Variants in MEIS2 observed in about 807,000 individuals in gnomAD.
The protein encoded by MEIS2 is Meis homeobox 2, also known as homeobox protein Meis2.
MEIS2 carries 9 observed loss-of-function variants against 58.6 expected under a neutral mutation model. The ratio of observed to expected loss-of-function variants is 0.15; its 90% confidence interval spans 0.09 to 0.27. MEIS2 has a LOEUF of 0.27. MEIS2 is among the 10% of genes least tolerant of loss of function. The pLI is 1.00. For missense variants in MEIS2, 427 were observed against 635.0 expected (o/e 0.67, Z 3.52); for synonymous variants, 221 against 228.4 (o/e 0.97, Z 0.29).
chr15:37,036,078 A>T (rs559286085), intron 8 of MEIS2, among the ~76,000 whole-genome samples: 2 of 152,338 alleles, frequency 1.3e-5, no homozygotes, highest in African/African-American at 2.4e-5. Context: ...TTTTTTTGTC[A>T]TAAGAGTCTT....
chr15:37,099,230 A>G, intron 1 of MEIS2: 1 of 1,432,810 alleles, frequency 7.0e-7, no homozygotes, highest in East Asian at 2.5e-5. Flanking sequence ...CAGCGCTGGA[A>G]CACGCGCGCC....
chr15:36,952,664 C>T (rs992001053), intron 8 of MEIS2, among the ~76,000 whole-genome samples: 16 of 136,762 alleles, frequency 1.2e-4, no homozygotes, highest in African/African-American at 2.1e-4. Flanking sequence ...TGTGTTTAAG[C>T]GAGAGAGAGA....
chr15:37,092,354 G>C (rs749474119), intron 6 of MEIS2, among the ~76,000 whole-genome samples: 1 of 152,124 alleles, frequency 6.6e-6, no homozygotes, highest in Non-Finnish European at 1.5e-5. Context: ...CTCATAGAAG[G>C]TTTATACTAA....
intron 8 of MEIS2, among the ~76,000 whole-genome samples, chr15:37,026,509 A>G (rs2061711427): frequency 6.6e-6 from 1 of 152,254 alleles, no homozygotes; most frequent in Admixed American, 6.5e-5. Context: ...CAGTTATATT[A>G]TAATGTGATA....
At chr15:36,934,227 CATA>C (rs1185408253) in intron 9 of MEIS2, among the ~76,000 whole-genome samples, 2 of 151,280 alleles carry the variant, frequency 1.3e-5, no homozygotes, top group African/African-American at 4.8e-5. Context: ...GAAATTTAAA[CATA>C]TTGAAAAGGA....
At chr15:37,058,949 AT>A (rs1489937459) in intron 7 of MEIS2, among the ~76,000 whole-genome samples, 4 of 150,184 alleles carry the variant, frequency 2.7e-5, no homozygotes, top group East Asian at 3.9e-4. Flanking sequence ...ATAGAAAAAA[AT>A]GATCTAAAAG....
intron 7 of MEIS2, among the ~76,000 whole-genome samples, chr15:37,054,177 A>G (rs1286241447): frequency 6.6e-6 from 1 of 152,244 alleles, no homozygotes; most frequent in Non-Finnish European, 1.5e-5. Flanking sequence ...CAATTGTAAT[A>G]AGGCTTTTCT....
intron 9 of MEIS2, among the ~76,000 whole-genome samples, chr15:36,935,662 T>C (rs2058140056): frequency 6.6e-6 from 1 of 152,132 alleles, no homozygotes; most frequent in Admixed American, 6.5e-5. Context: ...AATTTAACAA[T>C]TGAAATGAAA....
At chr15:37,100,618 G>A (rs1479002087), upstream of MEIS2, 33 of 150,804 alleles carry the variant, frequency 2.2e-4, no homozygotes, top group African/African-American at 8.0e-4. Context: ...GGCTCGAGCC[G>A]GGCGGACCCG....
rs1241412820 is a variant in MEIS2 at position 37,070,653 on chromosome 15, TG to T, written c.754+13117del. Among the ~76,000 whole-genome samples the T allele has an allele frequency of 1.6e-4, 24 of 152,276 alleles. No individual in the cohort carries two copies. The South Asian group carries it at 2.7e-3, about 17-fold the overall frequency. ...AAAGTAATGCCTATTTAAATATTCT[TG>T]GAACCATAGTTTTCTAAATATTGAA... On this transcript the variant is annotated intron_variant, in intron 7 of 11. Coordinates refer to ENST00000561208, the MANE Select transcript of MEIS2 (RefSeq NM_170675.5).
At chr15:37,007,815 G>T (rs1245936020) in intron 8 of MEIS2, among the ~76,000 whole-genome samples, 1 of 152,206 alleles carries the variant, frequency 6.6e-6, no homozygotes, top group African/African-American at 2.4e-5. Context: ...TAAAGAGGCA[G>T]TTGGTATTTT....
intron 5 of MEIS2, 38 bp from the exon 6 acceptor site, chr15:37,093,768 T>C (rs775885776): frequency 6.2e-7 from 1 of 1,600,172 alleles, no homozygotes; most frequent in African/African-American, 1.3e-5. Flanking sequence ...TAGCTCATGT[T>C]GTTGTTGTTG....
rs914206370 is a variant in MEIS2 at position 36,920,059 on chromosome 15, A to G, written c.978-23373T>C. Among the ~76,000 whole-genome samples the G allele has an allele frequency of 3.3e-5, 5 of 152,308 alleles. No individual in the cohort carries two copies. In the East Asian group the frequency reaches 9.6e-4, roughly 29 times the overall value. ...GGATACTGATGCTGGAATAAGAAAA[A>G]CAAGAAGAAATGGAGGCTGGAGATT... On this transcript the variant is annotated intron_variant, in intron 9 of 11. Coordinates refer to ENST00000561208, the MANE Select transcript of MEIS2 (RefSeq NM_170675.5).
intron 8 of MEIS2, among the ~76,000 whole-genome samples, chr15:36,975,686 A>G (rs1456354203): frequency 6.6e-6 from 1 of 152,120 alleles, no homozygotes; most frequent in African/African-American, 2.4e-5. Context: ...TTTGGCTGGC[A>G]CACAATAGAC....
intron 7 of MEIS2, among the ~76,000 whole-genome samples, chr15:37,059,856 G>A (rs1334994759): frequency 3.3e-5 from 5 of 152,082 alleles, no homozygotes; most frequent in Admixed American, 2.0e-4. Flanking sequence ...CAAGAGAATC[G>A]CTTGCGCCTG....
At chr15:36,952,428 G>A (rs837129) in intron 8 of MEIS2, among the ~76,000 whole-genome samples, 68,223 of 152,002 alleles carry the variant, frequency 0.45, 16,598 homozygotes, top group African/African-American at 0.62. Flanking sequence ...AAATAAGGAT[G>A]CATCACAAGA....
At chr15:36,960,287 C>G (rs368626202) in intron 8 of MEIS2, among the ~76,000 whole-genome samples, 1 of 151,330 alleles carries the variant, frequency 6.6e-6, no homozygotes, top group Non-Finnish European at 1.5e-5. Flanking sequence ...CTAGAGTAAG[C>G]AATGGAAATG....
intron 5 of MEIS2, chr15:37,094,096 T>TG (rs1463441852): frequency 7.5e-6 from 2 of 267,412 alleles, no homozygotes; most frequent in Non-Finnish European, 1.4e-5. Context: ...GTTTGTGATT[T>TG]TATAAGCTAG....
intron 8 of MEIS2, among the ~76,000 whole-genome samples, chr15:36,957,072 A>G (rs905764386): frequency 6.6e-6 from 1 of 152,208 alleles, no homozygotes; most frequent in Non-Finnish European, 1.5e-5. Context: ...AGTGATCCCA[A>G]TAGATTTTTT....
Sources: gnomAD v4.1 joint callset for allele counts (sites outside exome capture counted in the v4.1 genomes callset) on GRCh38, gnomAD v4.1.1 for gene constraint, MANE v1.5 for transcripts, NCBI Gene and HGNC (gene_info 2026-07-23, HGNC 2026-07-21) for gene names.